Variants in PTPRQ observed in about 807,000 individuals in gnomAD.
PTPRQ encodes the protein protein tyrosine phosphatase receptor type Q, also known as phosphatidylinositol phosphatase PTPRQ.
In PTPRQ, 199 loss-of-function variants were observed where a neutral mutation model predicts 246.0. The ratio of observed to expected loss-of-function variants is 0.81; its 90% confidence interval spans 0.72 to 0.91. The LOEUF (loss-of-function observed/expected upper bound fraction) is 0.91. PTPRQ is among the 40% of genes least tolerant of loss of function. PTPRQ has a pLI of 0.00. For synonymous variants in PTPRQ, 869 were observed against 853.2 expected, an observed-to-expected ratio of 1.02 and a Z score of -0.32; for missense variants, 2,624 against 2,528.4, an observed-to-expected ratio of 1.04 and a Z score of -0.81.
In PTPRQ at chr12:80,605,186, G is replaced by C. The variant is rs1050503390; in HGVS notation, c.4731+6G>C. The C allele has an allele frequency of 3.2e-6, 5 of 1,539,436 alleles. No individual in the cohort carries two copies. The highest frequency in any genetic ancestry group is 4.4e-6 in the Non-Finnish European group (5 of 1,140,596). On this transcript the variant is annotated splice_donor_region_variant and intron_variant, in intron 27 of 44. Transcript: ENST00000644991. ...ATCTGATTGATGTCAAATCGGTAAG[G>C]CATGTCTTACCTTCTGTAAAAGCCA...
In PTPRQ at chr12:80,620,287, C is replaced by G. The variant is rs78510464; in HGVS notation, c.5523C>G (p.Ile1841Met). ...GKTKFSGNEE[I>M]YIIGADNACM... ...CAAAGTTTAGTGGCAATGAAGAAAT[C>G]TACATCATAGGTGCTGATAATGCAT... Residue 1841 changes from isoleucine (I) to methionine (M), a missense_variant, in exon 32 of 45, where the codon ATC becomes ATG. Physicochemically the swap from Ile to Met is conservative, Grantham distance 10 (BLOSUM62 1). Coordinates refer to ENST00000644991, the MANE Select transcript of PTPRQ (RefSeq NM_001145026.2). The G allele has an allele frequency of 9.7e-6, 15 of 1,549,436 alleles. No individual in the cohort carries two copies. The highest frequency in any genetic ancestry group is 1.3e-5 in the Non-Finnish European group (15 of 1,145,588).
rs148509578 is a variant in PTPRQ at position 80,555,750 on chromosome 12, T to A, written c.4285+6016T>A. Among the ~76,000 whole-genome samples, 273 of 152,328 alleles carry A rather than the reference T, an allele frequency of 1.8e-3. 4 individuals carry two copies. The highest frequency in any genetic ancestry group is 6.4e-3 in the African/African-American group (266 of 41,582). The stretch of plus-strand genomic sequence containing the variant: ...TTATACAGTATCTTTTATATAGACT[T>A]AATTATTAAATATAATATTTTTCTT... On this transcript the variant is annotated intron_variant, in intron 25 of 44. Coordinates refer to ENST00000644991, the MANE Select transcript of PTPRQ (RefSeq NM_001145026.2).
chr12:80,619,755 T>G (rs1898907915), intron 31 of PTPRQ, among the ~76,000 whole-genome samples: 1 of 151,594 alleles, frequency 6.6e-6, no homozygotes, highest in Admixed American at 6.6e-5. Flanking sequence ...ATAAATGTCA[T>G]TTATTTATAC....
In PTPRQ at chr12:80,633,286, C is replaced by CT. The variant is rs568933419; in HGVS notation, c.5786+1001dup. On this transcript the variant is annotated intron_variant, in intron 34 of 44. Transcript: ENST00000644991. ...TATTAAAGTTTATACAGAAAGAGAT[C>CT]TTTTTTATAGTTAGAACAACACTTG... is the stretch of plus-strand genomic sequence containing the variant. Among the ~76,000 whole-genome samples, 69 of 152,272 alleles carry CT rather than the reference C, an allele frequency of 4.5e-4. 1 individual carries two copies. Among genetic ancestry groups the CT allele is most frequent in the African/African-American group, 1.5e-3 (62 of 41,552 alleles).
At chr12:80,534,721 A>G (rs529878386) in intron 18 of PTPRQ, among the ~76,000 whole-genome samples, 171 bp from the exon 19 acceptor site, 1 of 152,148 alleles carries the variant, frequency 6.6e-6, no homozygotes, top group East Asian at 1.9e-4. Context: ...AAAGTATTAG[A>G]GGGGTGACCC....
chr12:80,447,372 C>T (rs759671189), intron 3 of PTPRQ, among the ~76,000 whole-genome samples: 20 of 151,848 alleles, frequency 1.3e-4, no homozygotes, highest in Non-Finnish European at 2.4e-4. Context: ...TAATTATTTC[C>T]TTTGCTGTGC....
intron 25 of PTPRQ, among the ~76,000 whole-genome samples, chr12:80,580,879 C>G (rs1445791320): frequency 1.3e-5 from 2 of 152,140 alleles, no homozygotes; most frequent in Non-Finnish European, 2.9e-5. Context: ...TTTCCTATAG[C>G]CAGGTTACAA....
At position 80,588,370 on chromosome 12, in the gene PTPRQ, G is replaced by C. The variant is rs1055716971; in HGVS notation, c.4527G>C (p.Trp1509Cys). 42 of 1,539,092 alleles carry C rather than the reference G, an allele frequency of 2.7e-5. 1 individual carries two copies. In the East Asian group the frequency reaches 1.0e-3, roughly 38 times the overall value. ...ETVYGLKKFR[W>C]YRFQVAASTN... ...TATATGGATTAAAGAAATTTAGATG[G>C]TATAGATTCCAAGTGGCTGCCAGCA... The change falls in exon 26 of 45, where the codon TGG (tryptophan) becomes TGC (cysteine). Residue 1509 changes from tryptophan to cysteine, a missense_variant. Transcript: ENST00000644991.
intron 17 of PTPRQ, among the ~76,000 whole-genome samples, chr12:80,526,246 A>C (rs574887196): frequency 1.3e-5 from 2 of 152,298 alleles, no homozygotes; most frequent in Admixed American, 6.5e-5. Context: ...TGTTTACAGA[A>C]AGGAAGATTG....
At chr12:80,454,512 G>T in intron 3 of PTPRQ, 1 of 702,556 alleles carries the variant, frequency 1.4e-6, no homozygotes, top group Non-Finnish European at 2.6e-6. Context: ...GTGTTCAATA[G>T]GATTGGTGAG....
intron 32 of PTPRQ, 144 bp downstream of exon 32, chr12:80,620,520 T>C: frequency 8.1e-7 from 1 of 1,230,990 alleles, no homozygotes; most frequent in Non-Finnish European, 1.1e-6. Context: ...GCACTAGGAA[T>C]AGAAAGATAA....
chr12:80,484,663 T>C (rs1268191820), intron 9 of PTPRQ, 58 bp downstream of exon 9: 3 of 1,523,256 alleles, frequency 2.0e-6, no homozygotes, highest in Non-Finnish European at 8.8e-7. Flanking sequence ...CTGGCTCTGA[T>C]AGCTTGGAAG....
At chr12:80,537,389 T>A (rs77691377) in intron 19 of PTPRQ, among the ~76,000 whole-genome samples, 7 of 152,310 alleles carry the variant, frequency 4.6e-5, no homozygotes, top group African/African-American at 1.7e-4. Flanking sequence ...TGGCATATCA[T>A]GTTCTGCCTC....
chr12:80,518,747 T>G (rs967601497), intron 17 of PTPRQ, among the ~76,000 whole-genome samples: 36 of 152,206 alleles, frequency 2.4e-4, no homozygotes, highest in Non-Finnish European at 1.3e-4. Context: ...CTTTATCCAA[T>G]GTATGTTCTT....
chr12:80,588,670 A>G (rs1008449295), intron 26 of PTPRQ, among the ~76,000 whole-genome samples: 5 of 152,214 alleles, frequency 3.3e-5, no homozygotes, highest in African/African-American at 1.2e-4. Context: ...AAACTCCCAA[A>G]GTTGTGCCAA....
intron 26 of PTPRQ, among the ~76,000 whole-genome samples, chr12:80,598,299 G>A (rs1172516902): frequency 6.6e-6 from 1 of 151,938 alleles, no homozygotes; most frequent in East Asian, 1.9e-4. Context: ...CACTGACAGT[G>A]GTGATGCGTT....
At chr12:80,595,081 T>C (rs747258284) in intron 26 of PTPRQ, among the ~76,000 whole-genome samples, 1 of 152,198 alleles carries the variant, frequency 6.6e-6, no homozygotes, top group Non-Finnish European at 1.5e-5. Flanking sequence ...TTCTTTCTTA[T>C]TGTCCTTTCT....
chr12:80,588,588 C>T lies in PTPRQ; in HGVS notation c.4609+136C>T, dbSNP rs137981086. The T allele has an allele frequency of 2.3e-4, 233 of 1,002,118 alleles. 1 individual carries two copies. The African/African-American group carries it at 3.2e-3, about 14-fold the overall frequency. The allele number at this position is 1,002,118 out of a possible 1,614,324, so 62.1% of individuals were successfully genotyped here. ...TAACTGAGGACACTACCATATATAA[C>T]GACATATTTAGTTTTAATTTAGTTG... On this transcript the variant is annotated intron_variant, in intron 26 of 44. Transcript: ENST00000644991.
chr12:80,673,441 G>A (rs909199316), intron 43 of PTPRQ, 137 bp downstream of exon 43: 5 of 1,313,114 alleles, frequency 3.8e-6, no homozygotes, highest in Non-Finnish European at 5.0e-6. Flanking sequence ...CTTTTGGGGA[G>A]GATTCGGGAG....
Sources: allele counts gnomAD v4.1 joint callset (sites outside exome capture counted in the v4.1 genomes callset), GRCh38; gene constraint gnomAD v4.1.1; transcripts MANE v1.5; gene names NCBI Gene and HGNC (gene_info 2026-07-23, HGNC 2026-07-21).